The following ERCC6L2 variants were observed in gnomAD, a reference collection of about 807,000 sequenced individuals.
ERCC6L2 encodes the protein ERCC excision repair 6 like 2, also known as DNA excision repair protein ERCC-6-like 2.
Under a neutral mutation model 132.0 loss-of-function variants are expected in ERCC6L2, and 77 were observed. The observed-to-expected ratio is 0.58, with a 90% CI of 0.49 to 0.71. The LOEUF is 0.71. Ranked by LOEUF, ERCC6L2 falls within the 30% of genes least tolerant of loss-of-function variation. The pLI is 0.00. For missense variants in ERCC6L2, 1,542 were observed against 1,837.6 expected (o/e 0.84, Z 2.94); for synonymous variants, 583 against 632.4 (o/e 0.92, Z 1.17).
chr9:95,986,011 T>G (rs1367107162), intron 17 of ERCC6L2, among the ~76,000 whole-genome samples: 1 of 152,214 alleles, frequency 6.6e-6, no homozygotes, highest in Non-Finnish European at 1.5e-5. Flanking sequence ...TGGTTCCTTG[T>G]TTAAAATTCC....
In ERCC6L2 at chr9:96,003,897, A is replaced by G. The variant is rs529278700; in HGVS notation, c.3493-623A>G. Among the ~76,000 whole-genome samples the G allele has an allele frequency of 1.7e-4, 26 of 152,312 alleles. No homozygotes were observed. In the East Asian group the frequency reaches 4.4e-3, roughly 26 times the overall value. ...CTTGTCAGGAAAACTGGGACTGTAT[A>G]AAGTTTATTTTTCTTGCCTCACTGT... is the stretch of plus-strand genomic sequence containing the variant. On this transcript the variant is annotated intron_variant, in intron 17 of 18. Transcript: ENST00000653738.
At chr9:95,985,136 C>A (rs1233113882) in intron 17 of ERCC6L2, among the ~76,000 whole-genome samples, 4 of 152,154 alleles carry the variant, frequency 2.6e-5, no homozygotes, top group African/African-American at 9.7e-5. Flanking sequence ...CTTTAGTGCC[C>A]ATTCTCTATG....
In ERCC6L2 at chr9:96,012,875, C is replaced by T. The variant is rs779541063; in HGVS notation, c.4325C>T (p.Thr1442Ile). Residue 1442 changes from threonine (T) to isoleucine (I), a missense_variant, in exon 19 of 19, where the codon ACC (threonine) becomes ATC (isoleucine). Coordinates refer to ENST00000653738, the MANE Select transcript of ERCC6L2 (RefSeq NM_020207.7). ...TCTGTGATAAGCTTACTTGGTGATA[C>T]CTCTATTCTTGATGACCTTTTTAAA... ...NTSVISLLGD[T>I]SILDDLFKSH... The T allele has an allele frequency of 5.1e-6, 7 of 1,367,526 alleles. No homozygotes were observed. Among genetic ancestry groups the T allele is most frequent in the African/African-American group, 1.5e-5 (1 of 67,762 alleles). 84.7% of individuals were successfully genotyped at this position (1,367,526 alleles called of 1,614,324 possible). A position where few individuals can be genotyped will look rare whatever the true frequency, so the allele number is the denominator to read the frequency against.
At chr9:96,034,041 C>A (rs1032324867) in intron 19 of ERCC6L2, among the ~76,000 whole-genome samples, 3 of 152,256 alleles carry the variant, frequency 2.0e-5, no homozygotes, top group Non-Finnish European at 2.9e-5. Flanking sequence ...GCTCTCCGGT[C>A]ACTGGGAAAC....
intron 15 of ERCC6L2, 123 bp downstream of exon 15, chr9:95,970,779 C>A: frequency 1.9e-6 from 1 of 535,520 alleles, no homozygotes; most frequent in Admixed American, 4.4e-5. Context: ...GTCAAGGACA[C>A]AAAGTCAGAG....
intron 17 of ERCC6L2, among the ~76,000 whole-genome samples, chr9:95,997,858 T>C (rs377378337): frequency 6.6e-6 from 1 of 152,244 alleles, no homozygotes; most frequent in East Asian, 1.9e-4. Context: ...CCTAGCCTTG[T>C]ATGTTGTTTT....
intron 17 of ERCC6L2, among the ~76,000 whole-genome samples, chr9:95,990,303 T>C (rs1833249458): frequency 6.6e-6 from 1 of 152,228 alleles, no homozygotes; most frequent in Non-Finnish European, 1.5e-5. Context: ...CTCTTGATTA[T>C]CATGGTCAAA....
At chr9:95,895,852 G>T (rs534141724) in intron 2 of ERCC6L2, among the ~76,000 whole-genome samples, 1 of 150,732 alleles carries the variant, frequency 6.6e-6, no homozygotes, top group Non-Finnish European at 1.5e-5. Flanking sequence ...TCAGCCTCCC[G>T]AATAGCTGGG....
chr9:95,886,317 T>C (rs1439762474), intron 2 of ERCC6L2, among the ~76,000 whole-genome samples: 2 of 152,058 alleles, frequency 1.3e-5, no homozygotes, highest in Non-Finnish European at 2.9e-5. Context: ...GTGCCTGGCC[T>C]CTGTGTTAAT....
rs2133053344 is a variant in ERCC6L2 at position 95,966,628 on chromosome 9, A to G, written c.2014A>G (p.Lys672Glu). The G allele has an allele frequency of 6.5e-7, 1 of 1,546,914 alleles. No homozygotes were observed. Residue 672 changes from lysine (K) to glutamate (E), a missense_variant, in exon 14 of 19, where the codon AAA (lysine) becomes GAA (glutamate). Coordinates refer to ENST00000653738, the MANE Select transcript of ERCC6L2 (RefSeq NM_020207.7). Reference sequence around the variant, plus strand: ...ATATTTTGAAGCAGTTCAAGGATCTAAAGAGCATCAAGGAGAGCTTTTTGG... The same window carrying G: ...ATATTTTGAAGCAGTTCAAGGATCTGAAGAGCATCAAGGAGAGCTTTTTGG... ...KRYFEAVQGSKEHQGELFGIH... is the reference protein window; with the variant it reads ...KRYFEAVQGSEEHQGELFGIH...
intron 12 of ERCC6L2, among the ~76,000 whole-genome samples, chr9:95,955,665 A>G (rs956614168): frequency 6.7e-6 from 1 of 148,762 alleles, no homozygotes; most frequent in Non-Finnish European, 1.5e-5. Flanking sequence ...TAGACAGTGG[A>G]AAGTGATGTT....
chr9:96,010,811 C>T (rs1374865828), intron 18 of ERCC6L2, among the ~76,000 whole-genome samples: 1 of 152,176 alleles, frequency 6.6e-6, no homozygotes, highest in Non-Finnish European at 1.5e-5. Flanking sequence ...CTGTAAACTC[C>T]TTGAAGATAG....
At chr9:95,966,735 C>T (rs779658402) in intron 14 of ERCC6L2, 21 bp downstream of exon 14, 1 of 1,388,360 alleles carries the variant, frequency 7.2e-7, no homozygotes, top group Non-Finnish European at 9.5e-7. Flanking sequence ...CTTCTCTGAC[C>T]TTTTCAATAA....
chr9:95,885,260 T>C (rs1827802302), intron 2 of ERCC6L2, among the ~76,000 whole-genome samples: 1 of 152,346 alleles, frequency 6.6e-6, no homozygotes, highest in African/African-American at 2.4e-5. Context: ...TTTTGTAATA[T>C]CCATCCATCT....
At position 95,928,614 on chromosome 9, in the gene ERCC6L2, A is replaced by G. The variant is rs534028945; in HGVS notation, c.1606-105A>G. 4.8e-6 allele frequency: 5 copies of G among 1,034,212 alleles called. No homozygotes were observed. The African/African-American group carries it at 5.0e-5, about 10-fold the overall frequency. 64.1% of individuals were successfully genotyped at this position (1,034,212 alleles called of 1,614,324 possible). On this transcript the variant is annotated intron_variant, in intron 10 of 18. Coordinates refer to ENST00000653738, the MANE Select transcript of ERCC6L2 (RefSeq NM_020207.7). ...TTGTTCTTGGAATTATAAGAAAGAAATTATGAACACCAATAATTAATACTT... is the reference window on the plus strand; with the variant it reads ...TTGTTCTTGGAATTATAAGAAAGAAGTTATGAACACCAATAATTAATACTT...
At chr9:96,021,878 G>C (rs1240894823), downstream of ERCC6L2, 1 of 152,542 alleles carries the variant, frequency 6.6e-6, no homozygotes, top group Non-Finnish European at 1.5e-5. The surrounding 1 kb of genome is among the most constrained non-coding windows in gnomAD (Gnocchi z 4.7). Context: ...GGGGCGCCTA[G>C]GGGGTTCCGA....
chr9:96,036,020 A>T (rs1588070621), intron 19 of ERCC6L2, among the ~76,000 whole-genome samples: 2 of 152,350 alleles, frequency 1.3e-5, no homozygotes, highest in Non-Finnish European at 2.9e-5. Context: ...TACAAAATAC[A>T]AGTCCCATTT....
chr9:95,959,102 A>G (rs1281678533), intron 13 of ERCC6L2, among the ~76,000 whole-genome samples: 1 of 152,160 alleles, frequency 6.6e-6, no homozygotes, highest in Non-Finnish European at 1.5e-5. Flanking sequence ...ACAAAGCTGG[A>G]GGCATCATGC....
At chr9:95,889,701 G>A (rs1277906122) in intron 2 of ERCC6L2, among the ~76,000 whole-genome samples, 1 of 151,954 alleles carries the variant, frequency 6.6e-6, no homozygotes, top group African/African-American at 2.4e-5. Context: ...AATTTTCTGT[G>A]ATCAGTGTAA....
Sources: gnomAD v4.1 joint callset for allele counts (sites outside exome capture counted in the v4.1 genomes callset) on GRCh38, gnomAD v4.1.1 for gene constraint, Gnocchi (gnomAD v3.1) non-coding constraint, MANE v1.5 for transcripts, NCBI Gene and HGNC (gene_info 2026-07-23, HGNC 2026-07-21) for gene names.